Variants in ZFP64 observed in about 807,000 individuals in gnomAD.
The protein encoded by ZFP64 is ZFP64 zinc finger protein.
Under a neutral mutation model 51.6 loss-of-function variants are expected in ZFP64, and 14 were observed. The observed-to-expected ratio is 0.27, with a 90% CI of 0.18 to 0.42. The LOEUF (loss-of-function observed/expected upper bound fraction) is 0.42, where lower values mean the gene tolerates loss of function less well. ZFP64 is among the 10% of genes least tolerant of loss of function. The pLI, the probability that ZFP64 is intolerant of heterozygous loss-of-function variation, is 1.00. For missense variants in ZFP64, 754 were observed against 906.8 expected (o/e 0.83, Z 2.16); for synonymous variants, 375 against 361.4 (o/e 1.04, Z -0.43).
chr20:52,097,210 T>C (rs1313369135), intron 7 of ZFP64: 3 of 837,598 alleles, frequency 3.6e-6, no homozygotes, highest in Non-Finnish European at 6.3e-6. Flanking sequence ...TTCATCTTCA[T>C]GTCACAGCCC....
chr20:52,160,014 C>A lies in ZFP64; in HGVS notation c.763+109G>T. 7.8e-6 allele frequency: 12 copies of A among 1,547,472 alleles called. No individual in the cohort carries two copies. The highest frequency in any genetic ancestry group is 1.0e-5 in the Non-Finnish European group (12 of 1,145,324). ...ACAAAACTGCAAACAACGGGATGAG[C>A]AAAGGTTCCAACTCGATTTCTTACA... is the stretch of plus-strand genomic sequence containing the variant. On this transcript the variant is annotated intron_variant, in intron 5 of 5. Transcript: ENST00000216923. The surrounding 1 kb of genome is among the most constrained non-coding windows in gnomAD (Gnocchi z 4.2).
chr20:52,152,183 G>T lies in ZFP64; in HGVS notation c.2009C>A (p.Pro670Gln). 1 of 1,614,190 alleles carries T rather than the reference G, an allele frequency of 6.2e-7. No homozygotes were observed. Among genetic ancestry groups the T allele is most frequent in the South Asian group, 1.1e-5 (1 of 91,088 alleles). Residue 670 changes from proline to glutamine, a missense_variant, in exon 6 of 6, where the codon CCA becomes CAA. Physicochemically the swap from Pro to Gln is moderately conservative, Grantham distance 76 (BLOSUM62 -1). Transcript: ENST00000216923. ...TYSIIQGAAH[P>Q]ALLCPADSIP... is the part of the protein sequence containing the mutation. ...GGAGTCGGCGGGACAGAGCAAAGCT[G>T]GATGGGCTGCCCCTTGAATGATGGA...
chr20:52,093,939 A>G lies in ZFP64; in HGVS notation c.976+3434T>C, dbSNP rs116265949. On this transcript the variant is annotated intron_variant, in intron 7 of 8. Coordinates refer to the ZFP64 transcript ENST00000361387. ...TATGAAAATTGCACATTTAACATTG[A>G]TGATTATATCACAATATGATTTTTT... 3.2e-3 allele frequency among the ~76,000 whole-genome samples: 492 copies of G among 152,336 alleles called. 7 individuals carry two copies. Among genetic ancestry groups the G allele is most frequent in the African/African-American group, 0.01 (427 of 41,576 alleles).
chr20:52,117,445 C>G (rs955377205), intron 5 of ZFP64, among the ~76,000 whole-genome samples: 1 of 152,042 alleles, frequency 6.6e-6, no homozygotes, highest in African/African-American at 2.4e-5. Flanking sequence ...ATGGTGAAAC[C>G]TTGTCTCTAC....
At chr20:52,104,736 G>A in intron 5 of ZFP64, 1 of 504,458 alleles carries the variant, frequency 2.0e-6, no homozygotes. Flanking sequence ...CAACGCATTT[G>A]AAACGTAACC....
intron 5 of ZFP64, among the ~76,000 whole-genome samples, chr20:52,142,377 GACAC>G (rs142317072): frequency 0.011 from 1,324 of 118,440 alleles, 19 homozygotes; most frequent in East Asian, 0.094. Context: ...CACACACACA[GACAC>G]ACACACACAC....
intron 7 of ZFP64, among the ~76,000 whole-genome samples, chr20:52,091,132 C>A (rs761601627): frequency 3.2e-4 from 49 of 151,926 alleles, no homozygotes; most frequent in South Asian, 6.2e-4. Context: ...ATAAAAATCA[C>A]ATCAAATATC....
intron 1 of ZFP64, 38 bp from the exon 2 acceptor site, chr20:52,187,109 A>G (rs1279260817): frequency 6.3e-7 from 1 of 1,577,854 alleles, no homozygotes; most frequent in African/African-American, 1.3e-5. Context: ...ATTAATTCCA[A>G]ACAGCTTTGA....
intron 5 of ZFP64, among the ~76,000 whole-genome samples, chr20:52,116,161 AGTCTCGCTCT>A (rs1165962284): frequency 6.9e-6 from 1 of 144,676 alleles, no homozygotes; most frequent in Admixed American, 7.0e-5. Flanking sequence ...TTTGAGATGG[AGTCTCGCTCT>A]GTCACCCAGG....
At chr20:52,164,994 CTG>C in intron 3 of ZFP64, 2 of 648,864 alleles carry the variant, frequency 3.1e-6, no homozygotes, top group Non-Finnish European at 5.7e-6. Flanking sequence ...TAAACCCAAA[CTG>C]AGGCCCTTTT....
intron 1 of ZFP64, among the ~76,000 whole-genome samples, 190 bp from the exon 2 acceptor site, chr20:52,187,261 C>T (rs1292521991): frequency 6.6e-6 from 1 of 152,064 alleles, no homozygotes; most frequent in Non-Finnish European, 1.5e-5. Context: ...ATCATATTTC[C>T]ACACAGAGAT....
exon 9 of ZFP64, chr20:52,084,981 G>T: frequency 6.2e-7 from 1 of 1,614,024 alleles, no homozygotes; most frequent in Non-Finnish European, 8.5e-7. Context: ...GGCCGCGCTG[G>T]AGCAGGAGTA....
At position 52,191,596 on chromosome 20, in the gene ZFP64, A is replaced by G; in HGVS notation, c.41T>C (p.Val14Ala). Residue 14 changes from valine (V) to alanine (A), a missense_variant, in exon 1 of 6, where the codon GTG (valine) becomes GCG (alanine). Around this residue, in one of 3 missense-constraint regions of ZFP64, gnomAD observed 95 missense variants for 97.7 expected, o/e 0.97. Transcript: ENST00000216923. The surrounding 1 kb of genome is among the most constrained non-coding windows in gnomAD (Gnocchi z 4.3). Reference sequence around the variant, plus strand: ...GCTCCCGGAAAAGCACTTACTTTGCACCGAGCCCGCGAAGCTCTCGCCCTC... The same window carrying G: ...GCTCCCGGAAAAGCACTTACTTTGCGCCGAGCCCGCGAAGCTCTCGCCCTC... The part of the protein sequence containing the change: ...SSEGESFAGS[V>A]QIPGGTTVLV... 1 of 1,589,242 alleles carries G rather than the reference A, an allele frequency of 6.3e-7. No homozygotes were observed. Among genetic ancestry groups the G allele is most frequent in the Non-Finnish European group, 8.5e-7 (1 of 1,170,780 alleles).
chr20:52,165,765 C>T (rs1982210817), intron 3 of ZFP64, 99 bp downstream of exon 3: 1 of 1,511,190 alleles, frequency 6.6e-7, no homozygotes, highest in Admixed American at 1.9e-5. Flanking sequence ...TAGTTTGGAA[C>T]ACATCCATGA....
At chr20:52,102,303 AG>A (rs1010846509) in intron 5 of ZFP64, among the ~76,000 whole-genome samples, 1 of 152,082 alleles carries the variant, frequency 6.6e-6, no homozygotes, top group African/African-American at 2.4e-5. Flanking sequence ...CACAGGTGGC[AG>A]GGGCTCCCAT....
intron 5 of ZFP64, among the ~76,000 whole-genome samples, chr20:52,144,602 A>AAAAAAAAAAAAAAAAAG (rs1980431158): frequency 6.9e-6 from 1 of 145,126 alleles, no homozygotes; most frequent in Non-Finnish European, 1.5e-5. Flanking sequence ...AAAAAAAAAA[A>AAAAAAAAAAAAAAAAAG]TGCTGAAAGC....
intron 2 of ZFP64, chr20:52,175,963 G>T: frequency 3.0e-6 from 3 of 985,358 alleles, no homozygotes; most frequent in Non-Finnish European, 3.6e-6. Flanking sequence ...CACAGTGGGC[G>T]TTAGACCGGC....
Position 52,176,886 on chromosome 20 carries a change from C to T in ZFP64, c.286+9946G>A, listed in dbSNP as rs116433072. ...ATGCCTATATCCTTCTAAACAAAGTCTCCCCTCTGGCTTGAATTATAGCCA... is the reference window on the plus strand; with the variant it reads ...ATGCCTATATCCTTCTAAACAAAGTTTCCCCTCTGGCTTGAATTATAGCCA... On this transcript the variant is annotated intron_variant, in intron 2 of 5. Transcript: ENST00000216923. Among the ~76,000 whole-genome samples the T allele has an allele frequency of 2.8e-3, 425 of 152,324 alleles. 4 individuals carry two copies. The highest frequency in any genetic ancestry group is 9.7e-3 in the African/African-American group (404 of 41,578).
At chr20:52,098,864 T>C (rs971392022) in intron 5 of ZFP64, among the ~76,000 whole-genome samples, 3 of 151,774 alleles carry the variant, frequency 2.0e-5, no homozygotes, top group Admixed American at 6.6e-5. Context: ...CAGCCAGGCA[T>C]GGTGGTATGT....
Sources: allele counts gnomAD v4.1 joint callset (sites outside exome capture counted in the v4.1 genomes callset), GRCh38; gene constraint gnomAD v4.1.1; regional missense constraint gnomAD v4.1.1; non-coding constraint Gnocchi (gnomAD v3.1); transcripts MANE v1.5; gene names NCBI Gene and HGNC (gene_info 2026-07-23, HGNC 2026-07-21).